Variants in KCNJ3 observed in about 807,000 individuals in gnomAD.
The protein encoded by KCNJ3 is potassium inwardly rectifying channel subfamily J member 3.
Under a neutral mutation model 39.2 loss-of-function variants are expected in KCNJ3, and 4 were observed. The ratio of observed to expected loss-of-function variants is 0.10; its 90% CI spans 0.05 to 0.23. KCNJ3 has a LOEUF of 0.23. Ranked by LOEUF, KCNJ3 falls within the 10% of genes least tolerant of loss-of-function variation. KCNJ3 has a pLI of 1.00. For missense variants in KCNJ3, 276 were observed against 634.9 expected (o/e 0.43, Z 6.08); for synonymous variants, 230 against 237.4 (o/e 0.97, Z 0.29).
intron 2 of KCNJ3, among the ~76,000 whole-genome samples, chr2:154,798,173 C>G (rs1445043893): frequency 6.7e-6 from 1 of 148,224 alleles, no homozygotes; most frequent in Non-Finnish European, 1.5e-5. Flanking sequence ...CACAAATACC[C>G]ATCATTCGAA....
intron 2 of KCNJ3, among the ~76,000 whole-genome samples, chr2:154,812,696 A>G (rs2105102854): frequency 6.6e-6 from 1 of 152,256 alleles, no homozygotes. Flanking sequence ...TCATTCATAC[A>G]GGTGCAGTAT....
chr2:154,779,521 TTATATA>T, intron 2 of KCNJ3, among the ~76,000 whole-genome samples: 1 of 146,326 alleles, frequency 6.8e-6, no homozygotes, highest in East Asian at 2.0e-4. Context: ...TATATATTTT[TTATATA>T]TATAGTTATA....
At chr2:154,707,889 A>C (rs754624478) in intron 1 of KCNJ3, among the ~76,000 whole-genome samples, 29 of 152,160 alleles carry the variant, frequency 1.9e-4, no homozygotes, top group Non-Finnish European at 3.7e-4. Context: ...CTTGTTATAC[A>C]ACCATGTAGT....
chr2:154,743,738 AT>A (rs910306205), intron 2 of KCNJ3, among the ~76,000 whole-genome samples: 2 of 150,918 alleles, frequency 1.3e-5, no homozygotes, highest in East Asian at 1.9e-4. Flanking sequence ...AAAGGTTGCT[AT>A]TTTTTTTACA....
Position 154,699,189 on chromosome 2 carries a change from C to T in KCNJ3, c.414C>T (p.Ile138=), listed in dbSNP as rs764151000. 4.3e-6 allele frequency: 7 copies of T among 1,614,116 alleles called. No homozygotes were observed. Among genetic ancestry groups the T allele is most frequent in the Admixed American group, 3.3e-5 (2 of 60,026 alleles). ...TCCCTTCTGCCTTCCTCTTCTTCAT[C>T]GAGACGGAGGCCACCATCGGCTATG... The part of the protein sequence containing the change: ...YNFPSAFLFF[I]ETEATIGYGY... Residue 138 remains isoleucine (I), a synonymous_variant, in exon 1 of 3, where the codon ATC becomes ATT. Coordinates refer to ENST00000295101, the MANE Select transcript of KCNJ3 (RefSeq NM_002239.4). The surrounding 1 kb of genome is among the most constrained non-coding windows in gnomAD (Gnocchi z 6.4).
chr2:154,732,390 T>C (rs1159018707), intron 2 of KCNJ3, among the ~76,000 whole-genome samples: 1 of 152,132 alleles, frequency 6.6e-6, no homozygotes, highest in Non-Finnish European at 1.5e-5. Flanking sequence ...TTCTTACCCA[T>C]TGGTGTTTGG....
intron 2 of KCNJ3, among the ~76,000 whole-genome samples, chr2:154,750,283 G>GT (rs1206804102): frequency 4.6e-5 from 7 of 151,878 alleles, no homozygotes; most frequent in Non-Finnish European, 1.0e-4. Context: ...TTTAGTTTCA[G>GT]TATCTATAGG....
intron 1 of KCNJ3, among the ~76,000 whole-genome samples, chr2:154,707,257 G>A (rs1416678453): frequency 6.6e-6 from 1 of 151,922 alleles, no homozygotes; most frequent in Non-Finnish European, 1.5e-5. Flanking sequence ...GGTGGGGTAG[G>A]GTAATTTTGA....
rs1472406087 is a variant in KCNJ3, at chr2:154,856,185, G to C, written c.*872G>C. 3 of 152,476 alleles carry C rather than the reference G, an allele frequency of 2.0e-5. No homozygotes were observed. In the East Asian group the frequency reaches 5.8e-4, roughly 29 times the overall value. 9.4% of individuals were successfully genotyped at this position (152,476 alleles called of 1,614,324 possible). A position where few individuals can be genotyped will look rare whatever the true frequency, so the allele number is the denominator to read the frequency against. On this transcript the variant is annotated 3_prime_UTR_variant, in exon 3 of 3. Coordinates refer to ENST00000295101, the MANE Select transcript of KCNJ3 (RefSeq NM_002239.4). The stretch of plus-strand genomic sequence containing the variant: ...TAATTTGAGAATTATTCCTTTCCTA[G>C]ACTAATTAAAATCTGGAAATCTGTT...
chr2:154,844,277 C>T (rs1338193782), intron 2 of KCNJ3, among the ~76,000 whole-genome samples: 2 of 152,206 alleles, frequency 1.3e-5, no homozygotes, highest in Admixed American at 6.6e-5. Context: ...CCAGCGGAGG[C>T]TGCAGAACAG....
At chr2:154,736,733 C>T (rs926706795) in intron 2 of KCNJ3, among the ~76,000 whole-genome samples, 7 of 152,168 alleles carry the variant, frequency 4.6e-5, no homozygotes, top group African/African-American at 1.7e-4. Context: ...TACTCTTCTA[C>T]CTGAAACAAC....
At chr2:154,719,956 T>C (rs1685240859) in intron 2 of KCNJ3, among the ~76,000 whole-genome samples, 4 of 152,134 alleles carry the variant, frequency 2.6e-5, no homozygotes, top group Admixed American at 2.0e-4. Flanking sequence ...CCCCAGGCTC[T>C]GTCTGAAAAA....
chr2:154,787,526 A>G (rs1206637559), intron 2 of KCNJ3, among the ~76,000 whole-genome samples: 2 of 152,160 alleles, frequency 1.3e-5, no homozygotes, highest in South Asian at 2.1e-4. Context: ...CAAAGGGTGA[A>G]TGTGACTATT....
chr2:154,822,422 T>C (rs1010256194), intron 2 of KCNJ3, among the ~76,000 whole-genome samples: 4 of 152,194 alleles, frequency 2.6e-5, no homozygotes, highest in Admixed American at 2.0e-4. Context: ...GTTTCTCTAA[T>C]TGACCAAATG....
chr2:154,770,953 C>T (rs1052723458), intron 2 of KCNJ3, among the ~76,000 whole-genome samples: 7 of 144,742 alleles, frequency 4.8e-5, no homozygotes, highest in African/African-American at 1.8e-4. Context: ...TGCAGTGGCA[C>T]AATTGCAGCT....
chr2:154,779,176 T>C (rs997867447), intron 2 of KCNJ3, among the ~76,000 whole-genome samples: 26 of 152,046 alleles, frequency 1.7e-4, no homozygotes, highest in Non-Finnish European at 2.8e-4. Flanking sequence ...TTTTATAGTT[T>C]AGAGCTAGAT....
At chr2:154,843,729 C>T (rs574581845) in intron 2 of KCNJ3, among the ~76,000 whole-genome samples, 66 of 152,268 alleles carry the variant, frequency 4.3e-4, no homozygotes, top group Admixed American at 7.2e-4. Flanking sequence ...TTGATCAAAT[C>T]GGCTACTGAA....
chr2:154,790,982 T>C (rs1204571559), intron 2 of KCNJ3, among the ~76,000 whole-genome samples: 1 of 152,100 alleles, frequency 6.6e-6, no homozygotes, highest in Non-Finnish European at 1.5e-5. Context: ...TAAGACTTTC[T>C]TCTTATCATC....
intron 2 of KCNJ3, among the ~76,000 whole-genome samples, chr2:154,780,094 A>G (rs1686408436): frequency 1.3e-5 from 2 of 152,230 alleles, no homozygotes; most frequent in Admixed American, 1.3e-4. Context: ...TGGAAAGGTC[A>G]GGAAATAATT....
Sources: gnomAD v4.1 joint callset for allele counts (sites outside exome capture counted in the v4.1 genomes callset) on GRCh38, gnomAD v4.1.1 for gene constraint, Gnocchi (gnomAD v3.1) non-coding constraint, MANE v1.5 for transcripts, NCBI Gene and HGNC (gene_info 2026-07-23, HGNC 2026-07-21) for gene names.